Variants in SBF2 observed in about 807,000 individuals in gnomAD.
SBF2 encodes SET binding factor 2, also known as myotubularin-related protein 13.
Under a neutral mutation model 225.2 loss-of-function variants are expected in SBF2, and 112 were observed. The observed-to-expected ratio is 0.50, with a 90% CI of 0.43 to 0.58. The LOEUF (loss-of-function observed/expected upper bound fraction) is 0.58, where lower values mean the gene tolerates loss of function less well. Among genes scored for constraint, SBF2 ranks in the 20% least tolerant of loss-of-function variants. The probability of loss-of-function intolerance (pLI) is 0.00; values close to 1 mark genes in which losing one functional copy is unlikely to be tolerated. For missense variants in SBF2, 1,996 were observed against 2,206.2 expected, an observed-to-expected ratio of 0.90 and a Z score of 1.91; for synonymous variants, 763 against 773.3, an observed-to-expected ratio of 0.99 and a Z score of 0.22.
At chr11:9,796,079 T>A in intron 32 of SBF2, 122 bp from the exon 33 acceptor site, 1 of 953,336 alleles carries the variant, frequency 1.0e-6, no homozygotes, top group Non-Finnish European at 1.6e-6. Flanking sequence ...AACAAATACC[T>A]GAATCCCTAC....
At position 9,847,004 on chromosome 11, in the gene SBF2, T is replaced by C. The variant is rs746530622; in HGVS notation, c.2886A>G (p.Leu962=). 8 of 1,613,848 alleles carry C rather than the reference T, an allele frequency of 5.0e-6. No individual in the cohort carries two copies. Among genetic ancestry groups the C allele is most frequent in the African/African-American group, 1.3e-5 (1 of 75,050 alleles). ...KEKKITMQNQ[L]QQNMQEGLQI... ...GCAGTCCTTCTTGCATGTTCTGCTG[T>C]AGCTGGTTCTGCATTGTAATCTTCT... is the stretch of plus-strand genomic sequence containing the variant. Residue 962 remains leucine, a synonymous_variant, in exon 23 of 40, where the codon CTA becomes CTG. Coordinates refer to ENST00000256190, the MANE Select transcript of SBF2 (RefSeq NM_030962.4).
intron 1 of SBF2, 83 bp downstream of exon 1, chr11:10,293,932 C>G: frequency 9.1e-7 from 1 of 1,093,800 alleles, no homozygotes; most frequent in Non-Finnish European, 1.2e-6. Flanking sequence ...GACGCCCGTC[C>G]CCGACGCCCG....
At chr11:10,179,475 C>T (rs1225666880) in intron 2 of SBF2, among the ~76,000 whole-genome samples, 1 of 151,958 alleles carries the variant, frequency 6.6e-6, no homozygotes, top group African/African-American at 2.4e-5. Context: ...GATCCATGTG[C>T]TGAGGAGAAC....
In SBF2 at chr11:10,205,884, G is replaced by A. The variant is rs1455335713; in HGVS notation, c.56-11897C>T. ...AGCTAGCACCAGCAAGAGGTATCTCGCTGTATCAAGTAACCTCGGCAGACA... is the reference window on the plus strand; with the variant it reads ...AGCTAGCACCAGCAAGAGGTATCTCACTGTATCAAGTAACCTCGGCAGACA... On this transcript the variant is annotated intron_variant, in intron 1 of 39. Coordinates refer to ENST00000256190, the MANE Select transcript of SBF2 (RefSeq NM_030962.4). Among the ~76,000 whole-genome samples the A allele has an allele frequency of 2.0e-4, 31 of 151,924 alleles. 2 individuals are homozygous for A. The highest frequency in any genetic ancestry group is 1.9e-3 in the Admixed American group (29 of 15,256).
chr11:10,094,528 A>AGTTTTTTTTTTTTTTT (rs1951931631), intron 2 of SBF2, among the ~76,000 whole-genome samples: 1 of 107,300 alleles, frequency 9.3e-6, no homozygotes, highest in Non-Finnish European at 1.9e-5. Context: ...ATACACACAG[A>AGTTTTTTTTTTTTTTT]TTTTTTTTTT....
At chr11:9,908,851 ATTT>A (rs34026186) in intron 16 of SBF2, among the ~76,000 whole-genome samples, 9 of 125,344 alleles carry the variant, frequency 7.2e-5, no homozygotes, top group East Asian at 2.4e-4. Flanking sequence ...CGCATGGCTA[ATTT>A]TTTTTTTTTT....
rs360132 is a variant in SBF2, at chr11:9,788,893, C to T, written c.4932+216G>A. Among the ~76,000 whole-genome samples the T allele has an allele frequency of 0.87, 131,455 of 151,638 alleles. 57,263 individuals carry two copies. The highest frequency in any genetic ancestry group is 0.9 in the Non-Finnish European group (60,810 of 67,882). On this transcript the variant is annotated intron_variant, in intron 35 of 39. Coordinates refer to ENST00000256190, the MANE Select transcript of SBF2 (RefSeq NM_030962.4). ...CTGCTGGGATTACAGGCGTGAGCCACCGCGCCAGGCTGGAAAATCACTTTT... is the reference window on the plus strand; with the variant it reads ...CTGCTGGGATTACAGGCGTGAGCCATCGCGCCAGGCTGGAAAATCACTTTT...
In SBF2 at chr11:9,936,551, C is replaced by T. The variant is rs1590528023; in HGVS notation, c.1860+25406G>A. Among the ~76,000 whole-genome samples the T allele has an allele frequency of 4.6e-5, 7 of 152,284 alleles. No homozygotes were observed. The South Asian group carries it at 1.4e-3, about 32-fold the overall frequency. ...CACAATAGCAAAGACTTGGAACCAA[C>T]CCAAATGTCCATCAATGATAGACTG... On this transcript the variant is annotated intron_variant, in intron 16 of 39. Transcript: ENST00000256190.
chr11:10,248,651 A>G (rs1196275366), intron 1 of SBF2, among the ~76,000 whole-genome samples: 1 of 152,260 alleles, frequency 6.6e-6, no homozygotes, highest in Non-Finnish European at 1.5e-5. Context: ...GTGTGTAAAG[A>G]AAGTTAAATG....
At chr11:9,792,160 G>A (rs190002801) in intron 33 of SBF2, among the ~76,000 whole-genome samples, 5 of 152,180 alleles carry the variant, frequency 3.3e-5, no homozygotes, top group African/African-American at 9.6e-5. Context: ...AGCGTGGTGC[G>A]GTGGCTCACA....
At chr11:10,125,057 G>C (rs1245315474) in intron 2 of SBF2, among the ~76,000 whole-genome samples, 1 of 145,920 alleles carries the variant, frequency 6.9e-6, no homozygotes, top group Admixed American at 7.1e-5. Context: ...GCAGTGAGCC[G>C]AGATCTCGCT....
chr11:9,846,328 T>C (rs1448900031), intron 23 of SBF2, among the ~76,000 whole-genome samples: 2 of 152,176 alleles, frequency 1.3e-5, no homozygotes, highest in Non-Finnish European at 2.9e-5. Flanking sequence ...AGGCAAGAAC[T>C]GGCATTCTTA....
At chr11:10,007,570 T>C (rs1174650715) in intron 6 of SBF2, among the ~76,000 whole-genome samples, 1 of 152,124 alleles carries the variant, frequency 6.6e-6, no homozygotes, top group Non-Finnish European at 1.5e-5. Context: ...ACCCTGACCT[T>C]TGTTGGGCTT....
chr11:10,076,142 G>C (rs1054967527), intron 2 of SBF2, among the ~76,000 whole-genome samples: 27 of 152,358 alleles, frequency 1.8e-4, no homozygotes, highest in African/African-American at 6.3e-4. Flanking sequence ...ACGGGGGAGA[G>C]AGTATCTTAC....
At chr11:9,899,584 C>A (rs181992693) in intron 16 of SBF2, among the ~76,000 whole-genome samples, 2 of 150,496 alleles carry the variant, frequency 1.3e-5, no homozygotes, top group African/African-American at 4.9e-5. Flanking sequence ...ACTAGATGAA[C>A]GGTGAGATTT....
At position 9,914,499 on chromosome 11, in the gene SBF2, A is replaced by C. The variant is rs554933755; in HGVS notation, c.1861-18488T>G. On this transcript the variant is annotated intron_variant, in intron 16 of 39. Coordinates refer to ENST00000256190, the MANE Select transcript of SBF2 (RefSeq NM_030962.4). The stretch of plus-strand genomic sequence containing the variant: ...ACTGGACATCCAAATGCAAAAGCAG[A>C]ACCTGGACAGAGACTTTACACACTT... Among the ~76,000 whole-genome samples, 8 of 152,350 alleles carry C rather than the reference A, an allele frequency of 5.3e-5. No individual in the cohort carries two copies. The South Asian group carries it at 1.7e-3, about 32-fold the overall frequency.
At chr11:9,892,032 C>G (rs1411451121) in intron 17 of SBF2, among the ~76,000 whole-genome samples, 1 of 152,044 alleles carries the variant, frequency 6.6e-6, no homozygotes, top group African/African-American at 2.4e-5. Context: ...AGAGGATGAC[C>G]AAGATGTACC....
intron 2 of SBF2, among the ~76,000 whole-genome samples, chr11:10,099,803 T>C (rs1208138424): frequency 6.6e-6 from 1 of 152,046 alleles, no homozygotes; most frequent in Admixed American, 6.6e-5. Context: ...ATGTTTGATA[T>C]GTCTTATGAA....
At chr11:9,820,750 T>C (rs558289874) in intron 28 of SBF2, among the ~76,000 whole-genome samples, 18 of 152,362 alleles carry the variant, frequency 1.2e-4, no homozygotes, top group African/African-American at 4.1e-4. Context: ...TATCTGTATA[T>C]TCTTTCACTC....
Sources: gnomAD v4.1 joint callset for allele counts (sites outside exome capture counted in the v4.1 genomes callset) on GRCh38, gnomAD v4.1.1 for gene constraint, MANE v1.5 for transcripts, NCBI Gene and HGNC (gene_info 2026-07-23, HGNC 2026-07-21) for gene names.